Variants in STRA6 observed in about 807,000 individuals in gnomAD.
STRA6 encodes receptor for retinol uptake STRA6.
Under a neutral mutation model 83.6 loss-of-function variants are expected in STRA6, and 48 were observed. The ratio of observed to expected loss-of-function variants is 0.57; its 90% CI spans 0.46 to 0.73. The LOEUF is 0.73. Ranked by LOEUF, STRA6 falls within the 30% of genes least tolerant of loss-of-function variation. The pLI is 0.00. For synonymous variants in STRA6, 353 were observed against 362.3 expected, an observed-to-expected ratio of 0.97 and a Z score of 0.29; for missense variants, 760 against 838.8, an observed-to-expected ratio of 0.91 and a Z score of 1.16.
Position 74,182,161 on chromosome 15 carries a change from C to G in STRA6, c.1520G>C (p.Arg507Pro), listed in dbSNP as rs751477964. 1 of 1,613,846 alleles carries G rather than the reference C, an allele frequency of 6.2e-7. No homozygotes were observed. Among genetic ancestry groups the G allele is most frequent in the Admixed American group, 1.7e-5 (1 of 60,024 alleles). Residue 507 changes from arginine (R) to proline (P), a missense_variant and splice_region_variant, in exon 16 of 19, where the codon CGG (arginine) becomes CCG (proline). By Grantham distance (103) the Arg-to-Pro change is moderately radical. Coordinates refer to ENST00000395105, the MANE Select transcript of STRA6 (RefSeq NM_022369.4). ...GCCACAAGCCCAGATGCCACCTCAC[C>G]GGTTGGTCAGCTGTGGGTGTCCATC... is the stretch of plus-strand genomic sequence containing the variant. ...THDGHPQLTN[R>P]RVLYAATFLL... is the part of the protein sequence containing the mutation.
At chr15:74,189,621 A>G (rs2073432040) in intron 11 of STRA6, among the ~76,000 whole-genome samples, 1 of 152,154 alleles carries the variant, frequency 6.6e-6, no homozygotes, top group African/African-American at 2.4e-5. Flanking sequence ...TAACAATTCA[A>G]TACAAATAAT....
chr15:74,206,567 C>T (rs532207207), upstream of STRA6, among the ~76,000 whole-genome samples: 1 of 152,148 alleles, frequency 6.6e-6, no homozygotes, highest in Non-Finnish European at 1.5e-5. Context: ...GGCACTGATA[C>T]CCAGGAAGGC....
intron 11 of STRA6, among the ~76,000 whole-genome samples, 174 bp downstream of exon 11, chr15:74,190,666 G>A (rs2073484761): frequency 6.6e-6 from 1 of 152,126 alleles, no homozygotes; most frequent in South Asian, 2.1e-4. Context: ...ATGAGTCCAA[G>A]AGTGAACACC....
chr15:74,179,807 G>A lies in STRA6; in HGVS notation c.*273C>T. 2.2e-6 allele frequency: 1 copy of A among 450,200 alleles called. No homozygotes were observed. The highest frequency in any genetic ancestry group is 4.0e-6 in the Non-Finnish European group (1 of 248,722). The allele number at this position is 450,200 out of a possible 1,614,324, so 27.9% of individuals were successfully genotyped here. ...CCAGGGTAGGGAGACGCCTGGATGTGGCTGCCCTGGCTCAACTGGCTCCTG... is the reference window on the plus strand; with the variant it reads ...CCAGGGTAGGGAGACGCCTGGATGTAGCTGCCCTGGCTCAACTGGCTCCTG... On this transcript the variant is annotated 3_prime_UTR_variant, in exon 19 of 19. Transcript: ENST00000395105.
At chr15:74,191,547 G>A (rs984140549) in intron 8 of STRA6, 56 bp from the exon 9 acceptor site, 3 of 1,505,392 alleles carry the variant, frequency 2.0e-6, no homozygotes, top group Non-Finnish European at 1.8e-6. Context: ...CCATTCGTGG[G>A]TCCCTGGCTC....
At position 74,191,400 on chromosome 15, in the gene STRA6, C is replaced by A. The variant is rs761225922; in HGVS notation, c.788+24G>T. 9 of 1,613,728 alleles carry A rather than the reference C, an allele frequency of 5.6e-6. No homozygotes were observed. In the South Asian group the frequency reaches 8.8e-5, roughly 16 times the overall value. On this transcript the variant is annotated intron_variant, in intron 9 of 18. Coordinates refer to ENST00000395105, the MANE Select transcript of STRA6 (RefSeq NM_022369.4). ...CTAACCAGCCCAATCCATTGGCCCACAAAGGGTGTGTCAGAGACCCCACCT... is the reference window on the plus strand; with the variant it reads ...CTAACCAGCCCAATCCATTGGCCCAAAAAGGGTGTGTCAGAGACCCCACCT...
In STRA6 at chr15:74,196,330, T is replaced by C. The variant is rs2142055786; in HGVS notation, c.267-183A>G. 12 of 986,594 alleles carry C rather than the reference T, an allele frequency of 1.2e-5. No homozygotes were observed. The South Asian group carries it at 1.9e-4, about 16-fold the overall frequency. 61.1% of individuals were successfully genotyped at this position (986,594 alleles called of 1,614,324 possible). A position where few individuals can be genotyped will look rare whatever the true frequency, so the allele number is the denominator to read the frequency against. ...GGAGTGCCTCTTATCTACCAAGCTC[T>C]GGGCCCCGTGCCAAAGGGACTTGGG... On this transcript the variant is annotated intron_variant, in intron 4 of 18. Transcript: ENST00000395105.
At chr15:74,194,843 C>T in intron 7 of STRA6, 2 of 1,348,856 alleles carry the variant, frequency 1.5e-6, no homozygotes, top group Non-Finnish European at 1.9e-6. Flanking sequence ...GACAGCTTCA[C>T]AGCCCCAGCC....
At chr15:74,198,048 G>A (rs2073901474) in intron 2 of STRA6, among the ~76,000 whole-genome samples, 1 of 152,112 alleles carries the variant, frequency 6.6e-6, no homozygotes, top group Non-Finnish European at 1.5e-5. Context: ...TAAGACTAAA[G>A]GACATGGGAA....
upstream of STRA6, among the ~76,000 whole-genome samples, chr15:74,203,939 G>A (rs2074190153): frequency 6.6e-6 from 1 of 152,230 alleles, no homozygotes; most frequent in African/African-American, 2.4e-5. Flanking sequence ...GTTCCCCACA[G>A]AGGAAACAGC....
Position 74,193,927 on chromosome 15 carries a change from A to G in STRA6, c.598-5T>C, listed in dbSNP as rs1360186735. The stretch of plus-strand genomic sequence containing the variant: ...CAGGGAGTAGTACTTGTAGATCTGG[A>G]CAGACAAACACCCAGACAGACTACT... On this transcript the variant is annotated splice_region_variant and splice_polypyrimidine_tract_variant and intron_variant, in intron 7 of 18. Transcript: ENST00000395105. The G allele has an allele frequency of 1.2e-6, 2 of 1,612,636 alleles. No homozygotes were observed. The highest frequency in any genetic ancestry group is 2.2e-5 in the South Asian group (2 of 91,040).
chr15:74,191,259 G>C lies in STRA6; in HGVS notation c.789-16C>G, dbSNP rs1312166009. On this transcript the variant is annotated splice_polypyrimidine_tract_variant and intron_variant, in intron 9 of 18. Transcript: ENST00000395105. ...GGTGTGGTAGCTGCAGAAAGACCCAGGCAGGTGCGGGGTCCTCAGGGGAAG... is the reference window on the plus strand; with the variant it reads ...GGTGTGGTAGCTGCAGAAAGACCCACGCAGGTGCGGGGTCCTCAGGGGAAG... 1 of 1,613,126 alleles carries C rather than the reference G, an allele frequency of 6.2e-7. No individual in the cohort carries two copies.
upstream of STRA6, chr15:74,209,783 G>A (rs1595871700): frequency 3.9e-6 from 1 of 258,932 alleles, no homozygotes; most frequent in Non-Finnish European, 7.3e-6. Context: ...GAAGGAAATG[G>A]TGCTCAGAGG....
chr15:74,201,889 T>C (rs1057391264), intron 2 of STRA6, among the ~76,000 whole-genome samples: 14 of 152,170 alleles, frequency 9.2e-5, no homozygotes, highest in African/African-American at 3.1e-4. Flanking sequence ...GAATCATCTG[T>C]ATTTTTAACA....
intron 12 of STRA6, among the ~76,000 whole-genome samples, chr15:74,186,849 G>T (rs1450697674): frequency 1.3e-5 from 2 of 152,210 alleles, no homozygotes; most frequent in African/African-American, 4.8e-5. Context: ...GATTCAGTAG[G>T]TCTGGCACAG....
At chr15:74,183,685 C>T in intron 14 of STRA6, 171 bp downstream of exon 14, 1 of 1,557,104 alleles carries the variant, frequency 6.4e-7, no homozygotes, top group Non-Finnish European at 8.6e-7. Context: ...CCTGAATAAG[C>T]TTCTTAAGGG....
At position 74,195,639 on chromosome 15, in the gene STRA6, T is replaced by C; in HGVS notation, c.430+13A>G. ...TCTGACTAGTCTCAACTCTGTGATC[T>C]TGGGCAAGTTACCTCTTGGAGCCTC... is the stretch of plus-strand genomic sequence containing the variant. On this transcript the variant is annotated intron_variant, in intron 6 of 18. Coordinates refer to ENST00000395105, the MANE Select transcript of STRA6 (RefSeq NM_022369.4). The C allele has an allele frequency of 6.5e-7, 1 of 1,532,748 alleles. No homozygotes were observed. Among genetic ancestry groups the C allele is most frequent in the Non-Finnish European group, 8.9e-7 (1 of 1,129,652 alleles). The allele number at this position is 1,532,748 out of a possible 1,614,324, so 94.9% of individuals were successfully genotyped here.
chr15:74,206,185 C>T (rs915105504), upstream of STRA6, among the ~76,000 whole-genome samples: 6 of 152,122 alleles, frequency 3.9e-5, no homozygotes, highest in Non-Finnish European at 8.8e-5. Flanking sequence ...TTGTGACTTC[C>T]TAGGTGCCCC....
intron 4 of STRA6, among the ~76,000 whole-genome samples, chr15:74,196,766 T>C (rs2073840193): frequency 6.6e-6 from 1 of 152,194 alleles, no homozygotes. Context: ...AGTCTGGGTC[T>C]GGGATGTGAA....
Sources: gnomAD v4.1 joint callset for allele counts (sites outside exome capture counted in the v4.1 genomes callset) on GRCh38, gnomAD v4.1.1 for gene constraint, MANE v1.5 for transcripts, NCBI Gene and HGNC (gene_info 2026-07-23, HGNC 2026-07-21) for gene names.